The following PCNX2 variants were observed in gnomAD, a reference collection of about 807,000 sequenced individuals.
PCNX2 encodes the protein pecanex 2.
Under a neutral mutation model 223.8 loss-of-function variants are expected in PCNX2, and 168 were observed. The observed-to-expected ratio is 0.75, with a 90% CI of 0.66 to 0.85. PCNX2 has a LOEUF of 0.85. Ranked by LOEUF, PCNX2 falls within the 40% of genes least tolerant of loss-of-function variation. The pLI, the probability that PCNX2 is intolerant of heterozygous loss-of-function variation, is 0.00. For missense variants in PCNX2, 2,507 were observed against 2,675.5 expected (o/e 0.94, Z 1.39); for synonymous variants, 1,006 against 1,052.6 (o/e 0.96, Z 0.86).
At chr1:233,323,610 T>A in the PCNX2 span, among the ~76,000 whole-genome samples, 1 of 152,244 alleles carries the variant, frequency 6.6e-6, no homozygotes, top group Admixed American at 6.5e-5. Context: ...CTGTGATCAG[T>A]GATCTTTGAT....
upstream of PCNX2, among the ~76,000 whole-genome samples, chr1:233,297,178 G>A (rs542673488): frequency 5.9e-5 from 9 of 152,310 alleles, no homozygotes; most frequent in South Asian, 4.1e-4. Flanking sequence ...GCGCCGTCAC[G>A]TGCATGGGTA....
chr1:233,172,631 G>T, intron 17 of PCNX2: 1 of 871,166 alleles, frequency 1.1e-6, no homozygotes. Context: ...CATAGTTCGA[G>T]GTCTGAAAAA....
At chr1:233,310,776 CT>C in the PCNX2 span, among the ~76,000 whole-genome samples, 2 of 152,166 alleles carry the variant, frequency 1.3e-5, no homozygotes, top group East Asian at 3.9e-4. Context: ...GTATTTGCTT[CT>C]GGTGAGGGCC....
chr1:233,286,872 T>C (rs1251460033), intron 1 of PCNX2, among the ~76,000 whole-genome samples: 1 of 152,162 alleles, frequency 6.6e-6, no homozygotes, highest in Non-Finnish European at 1.5e-5. Context: ...CAAGAAAGAC[T>C]GTGCCATCCT....
chr1:233,230,906 G>A (rs948916614), intron 9 of PCNX2, among the ~76,000 whole-genome samples: 11 of 152,156 alleles, frequency 7.2e-5, no homozygotes, highest in African/African-American at 2.7e-4. Flanking sequence ...AAAAGACTAT[G>A]TCTTCTGAGA....
At chr1:233,130,127 C>T (rs893959451) in intron 21 of PCNX2, among the ~76,000 whole-genome samples, 2 of 152,140 alleles carry the variant, frequency 1.3e-5, no homozygotes, top group Non-Finnish European at 2.9e-5. Context: ...CTCCTGAAGC[C>T]AGCGAGACCA....
intron 10 of PCNX2, among the ~76,000 whole-genome samples, chr1:233,220,768 C>T (rs1053388221): frequency 2.6e-5 from 4 of 152,060 alleles, no homozygotes; most frequent in African/African-American, 9.7e-5. Context: ...GAATCTAATG[C>T]TGACACCTGA....
chr1:233,258,427 T>C lies in PCNX2; in HGVS notation c.1435A>G (p.Ile479Val). ...CGTGATGAAGAACTGTGATCCTTGATGGCATTTCCCCCCTCCCCAGATCCG... is the reference window on the plus strand; with the variant it reads ...CGTGATGAAGAACTGTGATCCTTGACGGCATTTCCCCCCTCCCCAGATCCG... ...GYGSGEGGNA[I>V]KDHSSSSREP... Residue 479 changes from isoleucine to valine, a missense_variant, in exon 5 of 34, where the codon ATC (isoleucine) becomes GTC (valine). Ile to Val is a conservative substitution (Grantham distance 29, BLOSUM62 3). This residue lies in a region of PCNX2 where 1,031 missense variants were observed against 1,021.7 expected (regional missense o/e 1.01). Coordinates refer to ENST00000258229, the MANE Select transcript of PCNX2 (RefSeq NM_014801.4). 6.2e-7 allele frequency: 1 copy of C among 1,613,930 alleles called. No individual in the cohort carries two copies. The highest frequency in any genetic ancestry group is 8.5e-7 in the Non-Finnish European group (1 of 1,179,868).
intron 21 of PCNX2, among the ~76,000 whole-genome samples, chr1:233,130,910 C>T (rs1159444222): frequency 6.6e-6 from 1 of 152,018 alleles, no homozygotes; most frequent in Non-Finnish European, 1.5e-5. Flanking sequence ...GAGGGCAGGG[C>T]CTGGGCCCTC....
intron 21 of PCNX2, among the ~76,000 whole-genome samples, chr1:233,133,783 CCAGGAGTTGGAGGCTG>C (rs1275019716): frequency 4.6e-5 from 7 of 152,034 alleles, no homozygotes; most frequent in African/African-American, 1.7e-4. Context: ...TCACTTGAGC[CCAGGAGTTGGAGGCTG>C]CAGTGAGCAA....
Position 233,091,690 on chromosome 1 carries a change from A to C in PCNX2, c.3947-1500T>G, listed in dbSNP as rs1004739182. On this transcript the variant is annotated intron_variant, in intron 22 of 33. Coordinates refer to ENST00000258229, the MANE Select transcript of PCNX2 (RefSeq NM_014801.4). ...TGAGGCTGCAGTGAGCTAGAATTGC[A>C]CTGTTGCACTCCAGCCTGGGCAACA... Among the ~76,000 whole-genome samples, 3 of 148,418 alleles carry C rather than the reference A, an allele frequency of 2.0e-5. No individual in the cohort carries two copies. In the East Asian group the frequency reaches 6.0e-4, roughly 30 times the overall value.
At chr1:233,316,755 C>T in the PCNX2 span, among the ~76,000 whole-genome samples, 8 of 152,146 alleles carry the variant, frequency 5.3e-5, no homozygotes, top group East Asian at 1.9e-4. Flanking sequence ...CTACTCTGTC[C>T]TCCCTACTGA....
chr1:233,203,723 CAGA>C (rs1185862648), intron 13 of PCNX2, among the ~76,000 whole-genome samples: 1 of 152,160 alleles, frequency 6.6e-6, no homozygotes, highest in Non-Finnish European at 1.5e-5. Flanking sequence ...CACAAGGAGG[CAGA>C]AGGAGATGCT....
At chr1:233,312,134 A>C in the PCNX2 span, among the ~76,000 whole-genome samples, 1 of 152,166 alleles carries the variant, frequency 6.6e-6, no homozygotes, top group Non-Finnish European at 1.5e-5. Flanking sequence ...TCTCAAAATA[A>C]CAATAATAAT....
chr1:233,003,579 T>G (rs1670167333), intron 28 of PCNX2, among the ~76,000 whole-genome samples: 1 of 152,226 alleles, frequency 6.6e-6, no homozygotes, highest in Non-Finnish European at 1.5e-5. Flanking sequence ...TCAACCATTG[T>G]GGAAGACAGT....
intron 17 of PCNX2, among the ~76,000 whole-genome samples, chr1:233,163,927 T>C (rs1427967768): frequency 1.3e-5 from 2 of 152,212 alleles, no homozygotes; most frequent in African/African-American, 2.4e-5. Context: ...ACAATGTGTT[T>C]ATCTGTTCAC....
intron 1 of PCNX2, among the ~76,000 whole-genome samples, chr1:233,284,333 C>T (rs992438503): frequency 2.0e-5 from 3 of 152,128 alleles, no homozygotes; most frequent in African/African-American, 7.2e-5. Context: ...TTAAAGGGTA[C>T]AGCAAAACTA....
In PCNX2 at chr1:232,983,951, A is replaced by C; in HGVS notation, c.*353T>G. On this transcript the variant is annotated 3_prime_UTR_variant, in exon 34 of 34. Transcript: ENST00000258229. ...CTGTTGAGTTGTTTTAAGTTAGTGAATGGCTTTTGAGATTTCAGATTCTGG... is the reference window on the plus strand; with the variant it reads ...CTGTTGAGTTGTTTTAAGTTAGTGACTGGCTTTTGAGATTTCAGATTCTGG... 5.4e-6 allele frequency: 1 copy of C among 184,584 alleles called. No individual in the cohort carries two copies. 11.4% of individuals were successfully genotyped at this position (184,584 alleles called of 1,614,324 possible).
chr1:233,198,383 G>A (rs10910115), intron 15 of PCNX2, among the ~76,000 whole-genome samples: 3,469 of 152,178 alleles, frequency 0.023, 126 homozygotes, highest in African/African-American at 0.078. Flanking sequence ...CAATAGATAC[G>A]TTTCTTGCCT....
Sources: allele counts gnomAD v4.1 joint callset (sites outside exome capture counted in the v4.1 genomes callset), GRCh38; gene constraint gnomAD v4.1.1; regional missense constraint gnomAD v4.1.1; transcripts MANE v1.5; gene names NCBI Gene and HGNC (gene_info 2026-07-23, HGNC 2026-07-21).